CERS3: variants seen among roughly 807,000 people sequenced by gnomAD.
CERS3 encodes the protein ceramide synthase 3.
A neutral mutation model predicts 50.3 loss-of-function variants in CERS3; 33 were observed. The observed-to-expected ratio is 0.66, with a 90% CI of 0.50 to 0.88. The LOEUF (loss-of-function observed/expected upper bound fraction) is 0.88, where lower values mean the gene tolerates loss of function less well. Ranked by LOEUF, CERS3 falls within the 40% of genes least tolerant of loss-of-function variation. The pLI is 0.00. For synonymous variants in CERS3, 176 were observed against 155.2 expected (o/e 1.13, Z -0.99); for missense variants, 470 against 460.3 (o/e 1.02, Z -0.19).
At chr15:100,486,089 T>C (rs1231376430) in intron 4 of CERS3, among the ~76,000 whole-genome samples, 1 of 152,158 alleles carries the variant, frequency 6.6e-6, no homozygotes, top group Non-Finnish European at 1.5e-5. Flanking sequence ...GACCCAGGAT[T>C]TTGATGAGAA....
intron 11 of CERS3, among the ~76,000 whole-genome samples, chr15:100,435,451 A>G (rs1344131000): frequency 6.6e-6 from 1 of 152,186 alleles, no homozygotes; most frequent in Non-Finnish European, 1.5e-5. Context: ...CCCCTTCCTT[A>G]CACCTTATAC....
intron 8 of CERS3, 121 bp downstream of exon 8, chr15:100,475,964 AC>A (rs1316955796): frequency 1.5e-4 from 84 of 544,322 alleles, no homozygotes; most frequent in Non-Finnish European, 5.8e-5. Context: ...TATAAAGCAC[AC>A]AAAAGCAATG....
chr15:100,489,358 A>T (rs1440255762), intron 4 of CERS3, among the ~76,000 whole-genome samples: 1 of 152,154 alleles, frequency 6.6e-6, no homozygotes. Context: ...CTTAATCATG[A>T]AAAAGAAAGA....
At chr15:100,533,660 C>A (rs187717543), upstream of CERS3, among the ~76,000 whole-genome samples, 426 of 149,188 alleles carry the variant, frequency 2.9e-3, 5 homozygotes, top group African/African-American at 9.9e-3. Context: ...CGGGTTGAAG[C>A]GATTCTCCTG....
chr15:100,521,305 C>T (rs967983007), intron 2 of CERS3, among the ~76,000 whole-genome samples: 7 of 152,140 alleles, frequency 4.6e-5, no homozygotes, highest in African/African-American at 1.4e-4. Flanking sequence ...ACAGGTAAGA[C>T]GCTGGAAGCT....
At chr15:100,517,731 C>T (rs372300847) in intron 2 of CERS3, among the ~76,000 whole-genome samples, 11 of 152,182 alleles carry the variant, frequency 7.2e-5, no homozygotes, top group East Asian at 3.9e-4. Flanking sequence ...CTACAGCCCC[C>T]GCAAGATAAA....
intron 11 of CERS3, among the ~76,000 whole-genome samples, chr15:100,430,179 G>A (rs1380949971): frequency 3.3e-5 from 5 of 151,976 alleles, no homozygotes; most frequent in Admixed American, 3.3e-4. Flanking sequence ...AGTTGTGGTG[G>A]GGGGCGCCTG....
intron 3 of CERS3, among the ~76,000 whole-genome samples, chr15:100,495,978 T>A (rs538246954): frequency 6.6e-6 from 1 of 152,340 alleles, no homozygotes; most frequent in South Asian, 2.1e-4. Context: ...TTTCTGTTTT[T>A]CTAGTTTGCC....
intron 1 of CERS3, among the ~76,000 whole-genome samples, chr15:100,524,933 T>C (rs893956278): frequency 4.6e-5 from 7 of 152,224 alleles, no homozygotes; most frequent in African/African-American, 1.7e-4. Flanking sequence ...AAATGGATTA[T>C]CACATATGAT....
chr15:100,515,649 AGAAT>A (rs10545999), intron 2 of CERS3, among the ~76,000 whole-genome samples: 87,055 of 151,376 alleles, frequency 0.58, 25,420 homozygotes, highest in Admixed American at 0.63. Context: ...AGGTCTTAGA[AGAAT>A]GTAAATCTTA....
chr15:100,436,182 T>C (rs142257580), intron 11 of CERS3, among the ~76,000 whole-genome samples: 36 of 152,320 alleles, frequency 2.4e-4, no homozygotes, highest in African/African-American at 8.4e-4. Flanking sequence ...CATATGTTTA[T>C]TGTAGCACTA....
intron 3 of CERS3, among the ~76,000 whole-genome samples, chr15:100,497,017 G>T (rs2035834993): frequency 6.6e-6 from 1 of 152,068 alleles, no homozygotes; most frequent in Non-Finnish European, 1.5e-5. Flanking sequence ...AATGTGGAGA[G>T]ATCATAAAAC....
rs532217785 is a variant in CERS3 at position 100,520,336 on chromosome 15, T to C, written c.-2+1331A>G. ...GTATTCTTGCCCTGTGTCCTGCAAA[T>C]GTTAGGGGTAGGCCTGTCCACAGGG... is the stretch of plus-strand genomic sequence containing the variant. On this transcript the variant is annotated intron_variant, in intron 2 of 11. Coordinates refer to ENST00000679737, the MANE Select transcript of CERS3 (RefSeq NM_001378789.1). 4.6e-5 allele frequency among the ~76,000 whole-genome samples: 7 copies of C among 152,072 alleles called. No homozygotes were observed. The East Asian group carries it at 1.4e-3, about 30-fold the overall frequency.
chr15:100,467,838 T>TATATATATAC (rs1555528297), intron 10 of CERS3, among the ~76,000 whole-genome samples: 13 of 62,368 alleles, frequency 2.1e-4, no homozygotes, highest in African/African-American at 8.4e-4. Context: ...TATATACGTG[T>TATATATATAC]ATATATATAT....
chr15:100,495,176 C>T (rs2035772972), intron 3 of CERS3, among the ~76,000 whole-genome samples: 1 of 152,202 alleles, frequency 6.6e-6, no homozygotes, highest in African/African-American at 2.4e-5. Flanking sequence ...TTTGAAGGAG[C>T]TTCTACTCTG....
chr15:100,481,470 A>C (rs1405379273), intron 5 of CERS3, among the ~76,000 whole-genome samples: 1 of 152,366 alleles, frequency 6.6e-6, no homozygotes, highest in East Asian at 1.9e-4. Flanking sequence ...GTCCAAACAA[A>C]ACCCACAAAA....
chr15:100,429,224 G>A (rs995983725), intron 11 of CERS3, among the ~76,000 whole-genome samples: 1 of 152,174 alleles, frequency 6.6e-6, no homozygotes, highest in Non-Finnish European at 1.5e-5. Flanking sequence ...TCTGCACCGG[G>A]GGAGCTGGTT....
intron 5 of CERS3, among the ~76,000 whole-genome samples, chr15:100,481,982 C>T (rs926015358): frequency 7.2e-5 from 11 of 152,176 alleles, no homozygotes; most frequent in Non-Finnish European, 1.2e-4. Flanking sequence ...ATGAAACGTG[C>T]GCTTGTGTAG....
chr15:100,497,870 CACACACACACACACACACACACACACT>C (rs1470130372), intron 3 of CERS3, among the ~76,000 whole-genome samples: 6 of 76,000 alleles, frequency 7.9e-5, no homozygotes, highest in Non-Finnish European at 1.5e-4. Context: ...CACACACACA[CACACACACACACACACACACACACACT>C]TTTTTTTTTT....
Sources: allele counts gnomAD v4.1 joint callset (sites outside exome capture counted in the v4.1 genomes callset), GRCh38; gene constraint gnomAD v4.1.1; transcripts MANE v1.5; gene names NCBI Gene and HGNC (gene_info 2026-07-23, HGNC 2026-07-21).